Variants in TRIM23 observed in about 807,000 individuals in gnomAD.
TRIM23 encodes the protein E3 ubiquitin-protein ligase TRIM23.
In TRIM23, 27 loss-of-function variants were observed where a neutral mutation model predicts 71.0. That is an observed-to-expected ratio of 0.38 (90% CI 0.28 to 0.52). The LOEUF (loss-of-function observed/expected upper bound fraction) is 0.52, where lower values mean the gene tolerates loss of function less well. Among genes scored for constraint, TRIM23 ranks in the 20% least tolerant of loss-of-function variants. The probability of loss-of-function intolerance (pLI) is 0.84; values close to 1 mark genes in which losing one functional copy is unlikely to be tolerated. For missense variants in TRIM23, 482 were observed against 692.3 expected (o/e 0.70, Z 3.41); for synonymous variants, 234 against 238.0 (o/e 0.98, Z 0.16).
intron 2 of TRIM23, among the ~76,000 whole-genome samples, chr5:65,616,041 A>T (rs1754770439): frequency 6.6e-6 from 1 of 152,218 alleles, no homozygotes; most frequent in Non-Finnish European, 1.5e-5. Flanking sequence ...TTCTACCTGG[A>T]TGCTAACACT....
chr5:65,605,901 C>T (rs574972315), intron 6 of TRIM23, among the ~76,000 whole-genome samples: 101 of 152,282 alleles, frequency 6.6e-4, no homozygotes, highest in African/African-American at 2.4e-3. Context: ...CCCGCATGCC[C>T]TACGTACAAT....
intron 1 of TRIM23, among the ~76,000 whole-genome samples, chr5:65,622,858 CA>C (rs921605651): frequency 3.3e-4 from 50 of 152,024 alleles, no homozygotes; most frequent in African/African-American, 1.1e-3. Flanking sequence ...AACAGGGTAA[CA>C]AAAAAATAGA....
Position 65,609,315 on chromosome 5 carries a change from T to C in TRIM23, c.972A>G (p.Gln324=), listed in dbSNP as rs1232835800. The stretch of plus-strand genomic sequence containing the variant: ...ACAACAAAATAGTCATATCTTCTTG[T>C]TGCTGCCTGAGCCAAATCAATTTTT... ...VREKLIWLRQ[Q]QEDMTILLSE... The change falls in exon 6 of 11, where the codon CAA becomes CAG. Residue 324 remains glutamine, a synonymous_variant. Coordinates refer to ENST00000231524, the MANE Select transcript of TRIM23 (RefSeq NM_001656.4). 5.6e-6 allele frequency: 9 copies of C among 1,614,078 alleles called. No individual in the cohort carries two copies. The highest frequency in any genetic ancestry group is 4.2e-6 in the Non-Finnish European group (5 of 1,180,048).
At chr5:65,603,863 AAAC>A (rs1363980355) in intron 7 of TRIM23, among the ~76,000 whole-genome samples, 3 of 152,206 alleles carry the variant, frequency 2.0e-5, no homozygotes, top group Non-Finnish European at 4.4e-5. Context: ...ATTGTTTTGA[AAAC>A]AATCTGAGAA....
intron 2 of TRIM23, 50 bp downstream of exon 2, chr5:65,618,043 C>T (rs1754818697): frequency 6.7e-7 from 1 of 1,493,308 alleles, no homozygotes; most frequent in Non-Finnish European, 9.0e-7. Context: ...ATGACATTTG[C>T]ATTACATGAA....
At chr5:65,618,774 A>G (rs924015438) in intron 1 of TRIM23, among the ~76,000 whole-genome samples, 1 of 152,246 alleles carries the variant, frequency 6.6e-6, no homozygotes, top group Non-Finnish European at 1.5e-5. Context: ...TATCTAATGT[A>G]CATTAAATAA....
intron 8 of TRIM23, among the ~76,000 whole-genome samples, 181 bp from the exon 9 acceptor site, chr5:65,596,712 C>T (rs986197008): frequency 6.6e-6 from 1 of 152,036 alleles, no homozygotes; most frequent in South Asian, 2.1e-4. Context: ...CCTGTAACAG[C>T]TCCTAGCCCT....
chr5:65,590,481 ACT>A lies in TRIM23; in HGVS notation c.*1286_*1287del. 1 of 1,254,312 alleles carries A rather than the reference ACT, an allele frequency of 8.0e-7. No homozygotes were observed. Among genetic ancestry groups the A allele is most frequent in the Non-Finnish European group, 1.0e-6 (1 of 989,026 alleles). 77.7% of individuals were successfully genotyped at this position (1,254,312 alleles called of 1,614,324 possible). On this transcript the variant is annotated 3_prime_UTR_variant, in exon 11 of 11. Transcript: ENST00000231524. Reference sequence around the variant, plus strand: ...AAGTCACATCTTGTTACCAGACATCACTGTCCTTACAACAATTCAACTAATAA... The same window carrying A: ...AAGTCACATCTTGTTACCAGACATCAGTCCTTACAACAATTCAACTAATAA...
rs757930462 is a variant in TRIM23, at chr5:65,594,626, A to G, written c.1440T>C (p.Asp480=). The G allele has an allele frequency of 1.1e-5, 17 of 1,589,638 alleles. No homozygotes were observed. The South Asian group carries it at 1.7e-4, about 16-fold the overall frequency. The stretch of plus-strand genomic sequence containing the variant: ...CACTAATTCTGTCTCTATGACTGCT[A>G]TCTACAACAAACACAACAGCTACCC... The part of the protein sequence containing the change: ...LNTQAVVFVV[D]SSHRDRISEA... The change falls in exon 10 of 11, where the codon GAT becomes GAC. Residue 480 remains aspartate, a synonymous_variant. Transcript: ENST00000231524.
chr5:65,592,534 G>T (rs978491752), intron 10 of TRIM23, among the ~76,000 whole-genome samples: 1 of 151,670 alleles, frequency 6.6e-6, no homozygotes, highest in African/African-American at 2.4e-5. Flanking sequence ...GCCTGCCTAA[G>T]TGTAAGGCAT....
chr5:65,617,988 G>T, intron 2 of TRIM23, 105 bp downstream of exon 2: 1 of 1,248,036 alleles, frequency 8.0e-7, no homozygotes, highest in Non-Finnish European at 1.1e-6. Context: ...AAACTTTCTG[G>T]GAATTTTATC....
intron 7 of TRIM23, among the ~76,000 whole-genome samples, chr5:65,597,626 A>T (rs572441308): frequency 7.6e-4 from 111 of 146,484 alleles, no homozygotes; most frequent in African/African-American, 2.5e-3. Context: ...ATTTTTTTTT[A>T]AAAAAGTATT....
chr5:65,599,728 T>C (rs756478838), intron 7 of TRIM23, among the ~76,000 whole-genome samples: 2 of 152,174 alleles, frequency 1.3e-5, no homozygotes, highest in Non-Finnish European at 2.9e-5. Context: ...TTTGTGGAGA[T>C]AGAAAAAATT....
chr5:65,614,842 C>T (rs763120915), intron 2 of TRIM23, among the ~76,000 whole-genome samples: 14 of 151,846 alleles, frequency 9.2e-5, no homozygotes, highest in East Asian at 7.7e-4. Flanking sequence ...ATGGTTAAAA[C>T]GGCAAATTTT....
At position 65,590,243 on chromosome 5, in the gene TRIM23, T is replaced by G. The variant is rs766610058; in HGVS notation, c.*1526A>C. On this transcript the variant is annotated 3_prime_UTR_variant, in exon 11 of 11. Coordinates refer to ENST00000231524, the MANE Select transcript of TRIM23 (RefSeq NM_001656.4). The stretch of plus-strand genomic sequence containing the variant: ...TTGAAATCAGTCAAATATTAAATAA[T>G]TTAATTCGGAAGTATTATTTATGCA... 1 of 1,047,290 alleles carries G rather than the reference T, an allele frequency of 9.5e-7. No homozygotes were observed. The highest frequency in any genetic ancestry group is 1.4e-6 in the Non-Finnish European group (1 of 703,580). The allele number at this position is 1,047,290 out of a possible 1,614,324, so 64.9% of individuals were successfully genotyped here.
intron 2 of TRIM23, among the ~76,000 whole-genome samples, chr5:65,614,583 A>C (rs926577353): frequency 2.0e-5 from 3 of 152,032 alleles, no homozygotes; most frequent in Non-Finnish European, 4.4e-5. Flanking sequence ...AAAAATACAA[A>C]AATTAGCCAG....
Position 65,614,101 on chromosome 5 carries a change from T to C in TRIM23, c.363A>G (p.Gly121=), listed in dbSNP as rs769622622. The C allele has an allele frequency of 6.2e-7, 1 of 1,613,548 alleles. No individual in the cohort carries two copies. Among genetic ancestry groups the C allele is most frequent in the East Asian group, 2.2e-5 (1 of 44,840 alleles). The change falls in exon 3 of 11, where the codon GGA becomes GGG. Residue 121 remains glycine (G), a synonymous_variant. Transcript: ENST00000231524. ...TTTCACCAAGTATGATCAATACCTC[T>C]CCAGATATCCCAATGGATTCTTCTG... ...GAAEESIGIS[G]ESIIRCDEDE...
intron 7 of TRIM23, among the ~76,000 whole-genome samples, chr5:65,604,261 A>T (rs532411708): frequency 3.3e-5 from 5 of 152,034 alleles, no homozygotes; most frequent in African/African-American, 1.2e-4. Flanking sequence ...TATGCCAAAA[A>T]TTTTTGTACT....
intron 3 of TRIM23, chr5:65,613,829 C>T: frequency 1.5e-6 from 2 of 1,356,158 alleles, no homozygotes; most frequent in South Asian, 1.2e-5. Flanking sequence ...TAATCTTCTT[C>T]CTCTTTTCAC....
Sources: gnomAD v4.1 joint callset for allele counts (sites outside exome capture counted in the v4.1 genomes callset) on GRCh38, gnomAD v4.1.1 for gene constraint, MANE v1.5 for transcripts, NCBI Gene and HGNC (gene_info 2026-07-23, HGNC 2026-07-21) for gene names.